Variants in AGBL1 observed in about 807,000 individuals in gnomAD.
AGBL1 encodes AGBL carboxypeptidase 1.
In AGBL1, 130 loss-of-function variants were observed where a neutral mutation model predicts 118.9. The ratio of observed to expected loss-of-function variants is 1.09; its 90% confidence interval spans 0.95 to 1.26. The LOEUF is 1.26. Ranked by LOEUF, AGBL1 falls within the 50% of genes most tolerant of loss-of-function variation. AGBL1 has a pLI of 0.00. For missense variants in AGBL1, 1,584 were observed against 1,298.1 expected (o/e 1.22, Z -3.38); for synonymous variants, 555 against 478.9 (o/e 1.16, Z -2.08).
chr15:86,239,339 T>A (rs2078605419), intron 6 of AGBL1, among the ~76,000 whole-genome samples: 1 of 152,230 alleles, frequency 6.6e-6, no homozygotes, highest in African/African-American at 2.4e-5. Flanking sequence ...ACCCGAAAGC[T>A]AATTCAAAAC....
At chr15:86,320,284 T>C (rs1033476658) in intron 17 of AGBL1, among the ~76,000 whole-genome samples, 3 of 152,114 alleles carry the variant, frequency 2.0e-5, no homozygotes, top group African/African-American at 7.2e-5. Context: ...GATTCTACAA[T>C]TGGTTTCATA....
At chr15:86,548,207 G>A (rs1373787957) in intron 20 of AGBL1, among the ~76,000 whole-genome samples, 1 of 152,112 alleles carries the variant, frequency 6.6e-6, no homozygotes, top group East Asian at 1.9e-4. Context: ...ATGCTTAGAG[G>A]CTGATTCCTT....
chr15:86,211,225 C>T (rs761303170), intron 5 of AGBL1, among the ~76,000 whole-genome samples: 1 of 152,196 alleles, frequency 6.6e-6, no homozygotes, highest in Non-Finnish European at 1.5e-5. Flanking sequence ...CCCATAGGGG[C>T]ACCCACCTAT....
intron 22 of AGBL1, among the ~76,000 whole-genome samples, chr15:86,677,295 T>G (rs1567117235): frequency 6.6e-6 from 1 of 152,192 alleles, no homozygotes; most frequent in African/African-American, 2.4e-5. Context: ...ATGAAGTACA[T>G]GCATGCTTTG....
chr15:86,833,306 C>T (rs1212629689), intron 22 of AGBL1, among the ~76,000 whole-genome samples: 1 of 151,968 alleles, frequency 6.6e-6, no homozygotes, highest in East Asian at 2.0e-4. Context: ...GTGTCCCCAC[C>T]CAAATCTCAA....
chr15:86,978,286 G>A (rs932953421), intron 23 of AGBL1, among the ~76,000 whole-genome samples: 1 of 152,144 alleles, frequency 6.6e-6, no homozygotes, highest in Non-Finnish European at 1.5e-5. Flanking sequence ...TTCTTCCTAG[G>A]TTAGGGGAAT....
At chr15:86,694,185 C>T (rs977171472) in intron 22 of AGBL1, among the ~76,000 whole-genome samples, 20 of 152,014 alleles carry the variant, frequency 1.3e-4, no homozygotes, top group African/African-American at 4.6e-4. Context: ...TTGCTTTTGG[C>T]AATATGATCA....
chr15:86,827,981 C>T (rs1014768142), intron 22 of AGBL1, among the ~76,000 whole-genome samples: 7 of 29,882 alleles, frequency 2.3e-4, no homozygotes, highest in East Asian at 1.5e-3. Context: ...TGTTTTGTCA[C>T]CCGGGCTGGA....
intron 1 of AGBL1, among the ~76,000 whole-genome samples, chr15:86,084,627 A>C (rs900876164): frequency 1.3e-5 from 2 of 152,246 alleles, no homozygotes; most frequent in African/African-American, 4.8e-5. Flanking sequence ...TATTACCTTC[A>C]TCTGACTAAA....
intron 22 of AGBL1, among the ~76,000 whole-genome samples, chr15:86,724,903 A>G (rs987703745): frequency 1.3e-5 from 2 of 152,206 alleles, no homozygotes; most frequent in Non-Finnish European, 2.9e-5. Context: ...TCCTCACCAG[A>G]AGTAGATACT....
At chr15:86,932,290 G>T (rs746776396) in intron 23 of AGBL1, among the ~76,000 whole-genome samples, 3 of 152,174 alleles carry the variant, frequency 2.0e-5, no homozygotes, top group Non-Finnish European at 4.4e-5. Context: ...TGATATTACT[G>T]CAAGGATAGA....
At chr15:86,362,834 C>T (rs1029122571) in intron 17 of AGBL1, among the ~76,000 whole-genome samples, 1 of 152,202 alleles carries the variant, frequency 6.6e-6, no homozygotes, top group Admixed American at 6.5e-5. Context: ...GGATGTGTTT[C>T]CTGCCTTCAC....
intron 19 of AGBL1, 138 bp from the exon 20 acceptor site, chr15:86,545,864 C>G (rs1247826609): frequency 1.8e-5 from 19 of 1,050,370 alleles, no homozygotes; most frequent in South Asian, 1.6e-4. Flanking sequence ...GGCTGGTCTG[C>G]TAACTCAACA....
intron 23 of AGBL1, among the ~76,000 whole-genome samples, chr15:86,928,463 C>T (rs1033831986): frequency 6.6e-6 from 1 of 152,096 alleles, no homozygotes; most frequent in Non-Finnish European, 1.5e-5. Flanking sequence ...GATGTAAAGC[C>T]CCTTTCCTGA....
chr15:86,162,077 CT>C (rs2077274289), intron 5 of AGBL1, among the ~76,000 whole-genome samples: 1 of 152,144 alleles, frequency 6.6e-6, no homozygotes, highest in Non-Finnish European at 1.5e-5. Context: ...TGAGAACGTC[CT>C]GCCAATTTCC....
intron 1 of AGBL1, among the ~76,000 whole-genome samples, chr15:86,110,362 C>T (rs182322757): frequency 9.1e-4 from 138 of 152,178 alleles, no homozygotes; most frequent in Non-Finnish European, 1.4e-3. Flanking sequence ...TTATATGTAT[C>T]GTATAGTGTA....
intron 24 of AGBL1, among the ~76,000 whole-genome samples, chr15:87,021,479 G>A (rs987895969): frequency 1.3e-5 from 2 of 148,358 alleles, no homozygotes; most frequent in Non-Finnish European, 1.5e-5. Flanking sequence ...TGCAACAGAA[G>A]CAAAAATTGA....
At position 86,269,937 on chromosome 15, in the gene AGBL1, G is replaced by C. The variant is rs752390108; in HGVS notation, c.1857G>C (p.Leu619=). ...IQVREFEYDL[L]VNADVNSTQH... The stretch of plus-strand genomic sequence containing the variant: ...TCTGCAGGTTCGAGTATGACTTGCT[G>C]GTCAACGCAGATGTGAATAGCACCC... The change falls in exon 14 of 23, where the codon CTG becomes CTC. Residue 619 remains leucine, a synonymous_variant. Transcript: ENST00000614907. 3.7e-6 allele frequency: 6 copies of C among 1,613,638 alleles called. No homozygotes were observed. The highest frequency in any genetic ancestry group is 1.7e-5 in the Admixed American group (1 of 59,978).
At chr15:86,370,641 C>G (rs1478085011) in intron 17 of AGBL1, among the ~76,000 whole-genome samples, 1 of 152,216 alleles carries the variant, frequency 6.6e-6, no homozygotes, top group Non-Finnish European at 1.5e-5. Flanking sequence ...GCCCAAAGCA[C>G]AGCCTGTGAT....
Sources: allele counts gnomAD v4.1 joint callset (sites outside exome capture counted in the v4.1 genomes callset), GRCh38; gene constraint gnomAD v4.1.1; transcripts MANE v1.5; gene names NCBI Gene and HGNC (gene_info 2026-07-23, HGNC 2026-07-21).